Variants in PPFIBP2 observed in about 807,000 individuals in gnomAD.
PPFIBP2 encodes the protein PPFIB scaffold protein 2.
PPFIBP2 carries 118 observed loss-of-function variants against 118.3 expected under a neutral mutation model. The observed-to-expected ratio is 1.00, with a 90% CI of 0.86 to 1.16. The LOEUF (loss-of-function observed/expected upper bound fraction) is 1.16. Among genes scored for constraint, PPFIBP2 ranks in the 50% most tolerant of loss-of-function variants. The pLI is 0.00. For synonymous variants in PPFIBP2, 414 were observed against 397.4 expected, an observed-to-expected ratio of 1.04 and a Z score of -0.50; for missense variants, 1,195 against 1,073.1, an observed-to-expected ratio of 1.11 and a Z score of -1.59.
downstream of PPFIBP2, among the ~76,000 whole-genome samples, chr11:7,655,067 A>G (rs922354013): frequency 6.6e-6 from 1 of 152,150 alleles, no homozygotes; most frequent in East Asian, 1.9e-4. Context: ...GGAGTCTAGC[A>G]TCCTGAAGGC....
intron 1 of PPFIBP2, among the ~76,000 whole-genome samples, chr11:7,524,263 C>T (rs1238958981): frequency 6.6e-6 from 1 of 152,100 alleles, no homozygotes; most frequent in Non-Finnish European, 1.5e-5. Flanking sequence ...CTCTTTCTTG[C>T]CTGCTTAGGC....
chr11:7,593,021 T>C, intron 3 of PPFIBP2, 111 bp from the exon 4 acceptor site: 2 of 1,438,852 alleles, frequency 1.4e-6, no homozygotes, highest in African/African-American at 1.4e-5. Flanking sequence ...TTTGTACATA[T>C]AATCAGTGAA....
In PPFIBP2 at chr11:7,560,350, C is replaced by G. The variant is rs186986627; in HGVS notation, c.65-5203C>G. On this transcript the variant is annotated intron_variant, in intron 2 of 23. Coordinates refer to ENST00000299492, the MANE Select transcript of PPFIBP2 (RefSeq NM_003621.5). ...GAGTCAACAAATTTAAAGTTTAAAA[C>G]AAATTGTTATAAAAGTAATGAAAAT... Among the ~76,000 whole-genome samples, 311 of 152,238 alleles carry G rather than the reference C, an allele frequency of 2.0e-3. 3 individuals carry two copies. The highest frequency in any genetic ancestry group is 6.8e-3 in the African/African-American group (281 of 41,546).
chr11:7,605,194 G>A (rs1406303295), intron 5 of PPFIBP2, among the ~76,000 whole-genome samples: 1 of 152,216 alleles, frequency 6.6e-6, no homozygotes, highest in African/African-American at 2.4e-5. Context: ...CCTTGGAAAG[G>A]AACTATGGGC....
chr11:7,538,578 A>G (rs1297399883), intron 1 of PPFIBP2, among the ~76,000 whole-genome samples: 1 of 152,222 alleles, frequency 6.6e-6, no homozygotes, highest in Non-Finnish European at 1.5e-5. Context: ...GTGGTGGAGC[A>G]GGGACATGTG....
At chr11:7,664,811 C>A in the PPFIBP2 span, among the ~76,000 whole-genome samples, 3 of 151,166 alleles carry the variant, frequency 2.0e-5, no homozygotes, top group Admixed American at 6.6e-5. Context: ...GTCCCTCCCC[C>A]CCACCCCGAC....
In PPFIBP2 at chr11:7,653,542, C is replaced by T. The variant is rs1354489504; in HGVS notation, c.*324C>T. The T allele has an allele frequency of 7.5e-7, 1 of 1,328,144 alleles. No homozygotes were observed. The highest frequency in any genetic ancestry group is 9.9e-7 in the Non-Finnish European group (1 of 1,014,928). The allele number at this position is 1,328,144 out of a possible 1,614,324, so 82.3% of individuals were successfully genotyped here. Reference sequence around the variant, plus strand: ...ATGAACTTCGATGCAGGTCCAGAGACCATGGACACTCCCACGAGGCTCAGC... The same window carrying T: ...ATGAACTTCGATGCAGGTCCAGAGATCATGGACACTCCCACGAGGCTCAGC... On this transcript the variant is annotated 3_prime_UTR_variant, in exon 24 of 24. Transcript: ENST00000299492.
intron 3 of PPFIBP2, among the ~76,000 whole-genome samples, chr11:7,588,817 T>G (rs367765936): frequency 6.9e-4 from 105 of 152,330 alleles, no homozygotes; most frequent in Middle Eastern, 3.4e-3. Flanking sequence ...CTTAAAAATA[T>G]CCATTCGAGA....
chr11:7,566,489 G>C (rs1158921148), intron 3 of PPFIBP2, among the ~76,000 whole-genome samples: 1 of 151,946 alleles, frequency 6.6e-6, no homozygotes, highest in Non-Finnish European at 1.5e-5. Context: ...TCCCAGAAGT[G>C]TACCACCTCT....
At chr11:7,524,782 G>C (rs575248174) in intron 1 of PPFIBP2, among the ~76,000 whole-genome samples, 1 of 152,216 alleles carries the variant, frequency 6.6e-6, no homozygotes, top group East Asian at 1.9e-4. Context: ...TTGGCCTGAG[G>C]GGGTGGAGAT....
intron 3 of PPFIBP2, among the ~76,000 whole-genome samples, chr11:7,592,270 T>C (rs1859468800): frequency 6.6e-6 from 1 of 152,168 alleles, no homozygotes; most frequent in Admixed American, 6.5e-5. Context: ...CCTTCTCTCC[T>C]GTCTGCCCAC....
At chr11:7,565,388 A>C (rs1854847004) in intron 2 of PPFIBP2, among the ~76,000 whole-genome samples, 165 bp from the exon 3 acceptor site, 1 of 152,220 alleles carries the variant, frequency 6.6e-6, no homozygotes, top group Non-Finnish European at 1.5e-5. Flanking sequence ...CTCCCGCTTC[A>C]GCCTCCCAAG....
chr11:7,577,629 G>A (rs1237289609), intron 3 of PPFIBP2: 4 of 456,428 alleles, frequency 8.8e-6, no homozygotes, highest in East Asian at 1.4e-4. Context: ...ATTTCTCGTG[G>A]CTGAAGAGGG....
intron 17 of PPFIBP2, among the ~76,000 whole-genome samples, chr11:7,642,754 A>G (rs1001332029): frequency 1.3e-5 from 2 of 152,242 alleles, no homozygotes; most frequent in Admixed American, 6.5e-5. Flanking sequence ...AGTACAGGTA[A>G]TTACTGGTTA....
intron 5 of PPFIBP2, among the ~76,000 whole-genome samples, chr11:7,605,309 A>T (rs1384792197): frequency 3.3e-5 from 5 of 152,242 alleles, no homozygotes; most frequent in African/African-American, 1.2e-4. Flanking sequence ...TTATCTTTTC[A>T]GCAAATACGA....
chr11:7,664,829 C>T, the PPFIBP2 span, among the ~76,000 whole-genome samples: 6 of 149,476 alleles, frequency 4.0e-5, no homozygotes, highest in Admixed American at 6.7e-5. Context: ...GACAGACCCT[C>T]GTTTGGGTTT....
chr11:7,651,571 C>A, intron 22 of PPFIBP2, 85 bp from the exon 23 acceptor site: 2 of 1,288,606 alleles, frequency 1.6e-6, no homozygotes, highest in Middle Eastern at 2.0e-4. Context: ...GCACCCCCAG[C>A]CCCAACAGGC....
chr11:7,641,354 G>T (rs1590760219), intron 15 of PPFIBP2, 125 bp from the exon 16 acceptor site: 2 of 1,111,384 alleles, frequency 1.8e-6, no homozygotes. Context: ...ATGGAGTTCT[G>T]CCCTGAAGGC....
Position 7,517,104 on chromosome 11 carries a change from T to C in PPFIBP2, c.-37+2983T>C, listed in dbSNP as rs376374458. Among the ~76,000 whole-genome samples the C allele has an allele frequency of 6.6e-5, 10 of 152,316 alleles. No individual in the cohort carries two copies. In the East Asian group the frequency reaches 1.5e-3, roughly 23 times the overall value. On this transcript the variant is annotated intron_variant, in intron 1 of 23. Coordinates refer to ENST00000299492, the MANE Select transcript of PPFIBP2 (RefSeq NM_003621.5). ...TGAATTGTCTGGTGGCTAACTGTAG[T>C]TTCAATAAGAGTTTTAGTGGCTTTT...
Sources: gnomAD v4.1 joint callset for allele counts (sites outside exome capture counted in the v4.1 genomes callset) on GRCh38, gnomAD v4.1.1 for gene constraint, MANE v1.5 for transcripts, NCBI Gene and HGNC (gene_info 2026-07-23, HGNC 2026-07-21) for gene names.